LEF1: variants seen among roughly 807,000 people sequenced by gnomAD.
LEF1 encodes the protein lymphoid enhancer-binding factor 1.
LEF1 carries 14 observed loss-of-function variants against 51.2 expected under a neutral mutation model. The ratio of observed to expected loss-of-function variants is 0.27; its 90% CI spans 0.18 to 0.43. LEF1 has a LOEUF of 0.43. Among genes scored for constraint, LEF1 ranks in the 20% least tolerant of loss-of-function variants. The probability of loss-of-function intolerance (pLI) is 1.00; values close to 1 mark genes in which losing one functional copy is unlikely to be tolerated. For synonymous variants in LEF1, 185 were observed against 183.2 expected, an observed-to-expected ratio of 1.01 and a Z score of -0.08; for missense variants, 386 against 512.0, an observed-to-expected ratio of 0.75 and a Z score of 2.37.
At chr4:108,136,279 G>A (rs139853310) in intron 3 of LEF1, among the ~76,000 whole-genome samples, 110 of 152,210 alleles carry the variant, frequency 7.2e-4, no homozygotes, top group African/African-American at 2.4e-3. Context: ...TATAAAATTC[G>A]TATCTTTCTT....
intron 8 of LEF1, among the ~76,000 whole-genome samples, chr4:108,076,038 C>T (rs541024273): frequency 1.3e-5 from 2 of 152,090 alleles, no homozygotes; most frequent in Middle Eastern, 3.4e-3. Flanking sequence ...AAGAGCTAAA[C>T]GCTTTCCTGT....
At chr4:108,073,162 G>A (rs914240781) in intron 8 of LEF1, among the ~76,000 whole-genome samples, 3 of 152,204 alleles carry the variant, frequency 2.0e-5, no homozygotes, top group African/African-American at 7.2e-5. Context: ...GAGGCACACA[G>A]ATCACTGGAG....
intron 3 of LEF1, among the ~76,000 whole-genome samples, chr4:108,132,257 G>A (rs1381886886): frequency 6.6e-6 from 1 of 152,168 alleles, no homozygotes; most frequent in African/African-American, 2.4e-5. Flanking sequence ...CCAATGAAGA[G>A]GTTTTACTGT....
chr4:108,109,164 G>T (rs7698317), intron 3 of LEF1, among the ~76,000 whole-genome samples: 78,038 of 152,048 alleles, frequency 0.51, 20,877 homozygotes, highest in Middle Eastern at 0.71. Context: ...CCCCTGTGCA[G>T]AACTAATTAA....
intron 3 of LEF1, among the ~76,000 whole-genome samples, chr4:108,161,634 G>A (rs2110418848): frequency 6.6e-6 from 1 of 152,314 alleles, no homozygotes; most frequent in Non-Finnish European, 1.5e-5. Flanking sequence ...AAGGCAGAAT[G>A]CTGGCATAAA....
In LEF1 at chr4:108,167,820, G is replaced by A. The variant is rs372904195; in HGVS notation, c.-53C>T. On this transcript the variant is annotated 5_prime_UTR_variant, in exon 1 of 12. Coordinates refer to ENST00000265165, the MANE Select transcript of LEF1 (RefSeq NM_016269.5). This position sits in a 1 kb window ranked among gnomAD's most constrained non-coding sequence, Gnocchi z 5.7. ...CTGTGGGAGCACCCGCGCAACAGCA[G>A]GAAAGACAGAGGGGTAACTCAAGGG... The A allele has an allele frequency of 1.3e-6, 2 of 1,519,910 alleles. No individual in the cohort carries two copies. The highest frequency in any genetic ancestry group is 1.1e-5 in the South Asian group (1 of 87,088). The allele number at this position is 1,519,910 out of a possible 1,614,324, so 94.2% of individuals were successfully genotyped here.
chr4:108,064,743 A>T (rs539129640), intron 9 of LEF1, among the ~76,000 whole-genome samples: 31 of 151,216 alleles, frequency 2.1e-4, no homozygotes, highest in Non-Finnish European at 3.1e-4. Flanking sequence ...TCTCTCTCTC[A>T]CACATACACA....
chr4:108,071,714 C>T (rs1197970306), intron 8 of LEF1: 4 of 152,278 alleles, frequency 2.6e-5, no homozygotes, highest in African/African-American at 2.4e-5. Flanking sequence ...ATGCCAGGAT[C>T]TGCCAGCAGA....
At chr4:108,155,422 C>A (rs892687528) in intron 3 of LEF1, among the ~76,000 whole-genome samples, 2 of 152,158 alleles carry the variant, frequency 1.3e-5, no homozygotes, top group Non-Finnish European at 2.9e-5. Flanking sequence ...TGACATTCCC[C>A]TGAATTTTTA....
chr4:108,078,439 T>C, intron 7 of LEF1, 57 bp from the exon 8 acceptor site: 1 of 1,609,632 alleles, frequency 6.2e-7, no homozygotes, highest in Admixed American at 1.7e-5. Context: ...GAGGAAGGGA[T>C]GGGGGAGGAG....
In LEF1 at chr4:108,167,530, G is replaced by C. The variant is rs1656668750; in HGVS notation, c.213+25C>G. The C allele has an allele frequency of 6.2e-7, 1 of 1,611,522 alleles. No homozygotes were observed. Among genetic ancestry groups the C allele is most frequent in the Non-Finnish European group, 8.5e-7 (1 of 1,178,210 alleles). On this transcript the variant is annotated intron_variant, in intron 1 of 11. Transcript: ENST00000265165. This position sits in a 1 kb window ranked among gnomAD's most constrained non-coding sequence, Gnocchi z 5.7. ...TTCCCAGGGACCCGCCACGCCTCTC[G>C]GAACTGGGGCAGCGGCCCGCTCACC...
intron 3 of LEF1, among the ~76,000 whole-genome samples, chr4:108,158,438 G>A (rs770117094): frequency 4.0e-5 from 6 of 151,832 alleles, no homozygotes; most frequent in Non-Finnish European, 7.3e-5. Context: ...GAGAGAGAGC[G>A]CGCAACCTTT....
chr4:108,070,622 G>T (rs1177214075), intron 9 of LEF1, 41 bp downstream of exon 9: 4 of 1,289,586 alleles, frequency 3.1e-6, no homozygotes, highest in African/African-American at 1.5e-5. Flanking sequence ...AAGAGCGAAT[G>T]AGTGAGAGTG....
chr4:108,078,147 T>C lies in LEF1; in HGVS notation c.1008+73A>G, dbSNP rs560843900. 4 of 1,438,518 alleles carry C rather than the reference T, an allele frequency of 2.8e-6. No individual in the cohort carries two copies. The East Asian group carries it at 9.1e-5, about 33-fold the overall frequency. The allele number at this position is 1,438,518 out of a possible 1,614,324, so 89.1% of individuals were successfully genotyped here. ...CATTCTATGACCACCTGATATGGGA[T>C]TAAATTGGGGCAGATTTTCATGAAG... On this transcript the variant is annotated intron_variant, in intron 8 of 11. Coordinates refer to ENST00000265165, the MANE Select transcript of LEF1 (RefSeq NM_016269.5).
chr4:108,144,497 T>C (rs932470662), intron 3 of LEF1, among the ~76,000 whole-genome samples: 3 of 152,198 alleles, frequency 2.0e-5, no homozygotes, highest in Non-Finnish European at 2.9e-5. Context: ...TGGTGCCCAA[T>C]TTTCAACATG....
chr4:108,094,699 TA>T (rs1740266119), intron 3 of LEF1, among the ~76,000 whole-genome samples: 1 of 152,194 alleles, frequency 6.6e-6, no homozygotes, highest in Admixed American at 6.5e-5. Context: ...TGGCTGTGCA[TA>T]AAGGTCTGGA....
chr4:108,129,871 T>C (rs1007924176), intron 3 of LEF1, among the ~76,000 whole-genome samples: 12 of 152,180 alleles, frequency 7.9e-5, no homozygotes, highest in African/African-American at 2.9e-4. Flanking sequence ...TGATTACACA[T>C]AGGAATCACA....
At chr4:108,108,060 G>C (rs1213109020) in intron 3 of LEF1, among the ~76,000 whole-genome samples, 1 of 152,194 alleles carries the variant, frequency 6.6e-6, no homozygotes, top group Non-Finnish European at 1.5e-5. Context: ...TACAAAGTGA[G>C]GCTGGTCTTC....
chr4:108,119,267 G>A (rs1742022864), intron 3 of LEF1, among the ~76,000 whole-genome samples: 1 of 150,588 alleles, frequency 6.6e-6, no homozygotes, highest in African/African-American at 2.4e-5. Context: ...TGTTAAAATG[G>A]GGAAATTTTC....
Sources: gnomAD v4.1 joint callset for allele counts (sites outside exome capture counted in the v4.1 genomes callset) on GRCh38, gnomAD v4.1.1 for gene constraint, Gnocchi (gnomAD v3.1) non-coding constraint, MANE v1.5 for transcripts, NCBI Gene and HGNC (gene_info 2026-07-23, HGNC 2026-07-21) for gene names.